RSPRY1: variants seen among roughly 807,000 people sequenced by gnomAD.
RSPRY1 encodes the protein RING finger and SPRY domain-containing protein 1.
In RSPRY1, 23 loss-of-function variants were observed where a neutral mutation model predicts 73.1. The observed-to-expected ratio is 0.31, with a 90% CI of 0.23 to 0.45. The LOEUF (loss-of-function observed/expected upper bound fraction) is 0.45. Among genes scored for constraint, RSPRY1 ranks in the 20% least tolerant of loss-of-function variants. The pLI, the probability that RSPRY1 is intolerant of heterozygous loss-of-function variation, is 1.00. For synonymous variants in RSPRY1, 226 were observed against 251.4 expected, an observed-to-expected ratio of 0.90 and a Z score of 0.95; for missense variants, 448 against 698.7, an observed-to-expected ratio of 0.64 and a Z score of 4.05.
intron 1 of RSPRY1, among the ~76,000 whole-genome samples, chr16:57,199,616 C>A (rs2074522854): frequency 6.6e-6 from 1 of 152,194 alleles, no homozygotes; most frequent in South Asian, 2.1e-4. Context: ...GAGGAACTTT[C>A]ACATTCCATA....
Position 57,221,346 on chromosome 16 carries a change from A to G in RSPRY1, c.1092A>G (p.Glu364=), listed in dbSNP as rs748149573. The part of the protein sequence containing the change: ...FCVDAGVWYY[E]VTVVTSGVMQ... ...TGGATGCCGGGGTATGGTACTATGA[A>G]GTAACAGTGGTCACTTCTGGCGTCA... Residue 364 remains glutamate (E), a synonymous_variant, in exon 10 of 15, where the codon GAA becomes GAG. Coordinates refer to ENST00000394420, the MANE Select transcript of RSPRY1 (RefSeq NM_133368.3). The G allele has an allele frequency of 1.1e-5, 18 of 1,613,980 alleles. No individual in the cohort carries two copies. Among genetic ancestry groups the G allele is most frequent in the Non-Finnish European group, 1.4e-5 (17 of 1,180,024 alleles).
intron 1 of RSPRY1, among the ~76,000 whole-genome samples, chr16:57,192,163 T>TTAGACATCATTTAAAG (rs2074362132): frequency 6.6e-6 from 1 of 152,240 alleles, no homozygotes; most frequent in African/African-American, 2.4e-5. Context: ...TATGAGTGTT[T>TTAGACATCATTTAAAG]TAGACATCAT....
At chr16:57,206,428 A>T (rs940533116) in intron 2 of RSPRY1, among the ~76,000 whole-genome samples, 24 of 152,310 alleles carry the variant, frequency 1.6e-4, no homozygotes, top group African/African-American at 5.8e-4. Context: ...ATCAAAAAAA[A>T]TTTTTTAAAT....
rs1270345636 is a variant in RSPRY1, at chr16:57,238,962, C to A, written c.1718C>A (p.Ser573Tyr). 1.3e-6 allele frequency: 2 copies of A among 1,594,572 alleles called. No individual in the cohort carries two copies. The highest frequency in any genetic ancestry group is 8.6e-7 in the Non-Finnish European group (1 of 1,165,616). ...ATAGTATCTAGAATCAGACAGATTTCTCATATTTCATGACACATGTGAAGA... is the reference window on the plus strand; with the variant it reads ...ATAGTATCTAGAATCAGACAGATTTATCATATTTCATGACACATGTGAAGA... ...KEIVSRIRQI[S>Y]HIS The change falls in exon 15 of 15, where the codon TCT becomes TAT. Residue 573 changes from serine to tyrosine, a missense_variant. Physicochemically the swap from Ser to Tyr is moderately radical, Grantham distance 144. Transcript: ENST00000394420.
intron 3 of RSPRY1, among the ~76,000 whole-genome samples, chr16:57,208,390 A>ATTT (rs1265164232): frequency 1.1e-5 from 1 of 88,760 alleles, no homozygotes; most frequent in African/African-American, 5.4e-5. Context: ...ATATATATAT[A>ATTT]TATATATATA....
intron 14 of RSPRY1, among the ~76,000 whole-genome samples, chr16:57,236,238 A>G (rs1486216390): frequency 6.6e-6 from 1 of 152,160 alleles, no homozygotes; most frequent in Non-Finnish European, 1.5e-5. Flanking sequence ...AAACAGCTGG[A>G]TCTGGTCTTA....
chr16:57,226,322 A>G (rs548557245), intron 10 of RSPRY1, among the ~76,000 whole-genome samples: 2 of 152,366 alleles, frequency 1.3e-5, no homozygotes, highest in South Asian at 4.1e-4. Context: ...CGCGCAAGAA[A>G]GAATTTGGGG....
In RSPRY1 at chr16:57,213,985, A is replaced by G. The variant is rs772241594; in HGVS notation, c.702+39A>G. 6 of 1,361,430 alleles carry G rather than the reference A, an allele frequency of 4.4e-6. No homozygotes were observed. The African/African-American group carries it at 7.1e-5, about 16-fold the overall frequency. 84.3% of individuals were successfully genotyped at this position (1,361,430 alleles called of 1,614,324 possible). ...CAAAACTATTTATTCTTAGTCATCT[A>G]GAAGTGGGCATCATCTAGAACTGTG... On this transcript the variant is annotated intron_variant, in intron 6 of 14. Coordinates refer to ENST00000394420, the MANE Select transcript of RSPRY1 (RefSeq NM_133368.3).
chr16:57,217,531 T>C (rs2074961265), intron 8 of RSPRY1, among the ~76,000 whole-genome samples: 1 of 152,206 alleles, frequency 6.6e-6, no homozygotes, highest in South Asian at 2.1e-4. Flanking sequence ...AAAACTACTA[T>C]AGGTTGAGTT....
At chr16:57,216,849 A>G in intron 7 of RSPRY1, 55 bp from the exon 8 acceptor site, 2 of 1,554,476 alleles carry the variant, frequency 1.3e-6, no homozygotes. Context: ...TAATTTGCTG[A>G]GCAAATCATT....
chr16:57,193,790 G>T (rs1025241137), intron 1 of RSPRY1, among the ~76,000 whole-genome samples: 1 of 152,034 alleles, frequency 6.6e-6, no homozygotes, highest in African/African-American at 2.4e-5. Context: ...TTTCAGCCGG[G>T]TGCGGTGGCT....
intron 10 of RSPRY1, among the ~76,000 whole-genome samples, chr16:57,222,681 A>G (rs1336329161): frequency 1.3e-5 from 2 of 152,230 alleles, no homozygotes; most frequent in Non-Finnish European, 2.9e-5. Flanking sequence ...TTCCTATTCT[A>G]CAACAGTTGT....
chr16:57,226,322 A>T (rs548557245), intron 10 of RSPRY1, among the ~76,000 whole-genome samples: 1 of 152,248 alleles, frequency 6.6e-6, no homozygotes, highest in Non-Finnish European at 1.5e-5. Context: ...CGCGCAAGAA[A>T]GAATTTGGGG....
intron 1 of RSPRY1, among the ~76,000 whole-genome samples, chr16:57,196,027 A>AT (rs2074437935): frequency 1.3e-5 from 1 of 75,240 alleles, no homozygotes; most frequent in Non-Finnish European, 3.2e-5. Flanking sequence ...TCTCAAAAAA[A>AT]AAAAAAAATA....
chr16:57,232,733 C>T (rs2075244053), intron 13 of RSPRY1, among the ~76,000 whole-genome samples: 1 of 152,212 alleles, frequency 6.6e-6, no homozygotes, highest in African/African-American at 2.4e-5. Flanking sequence ...TGGGCATCAA[C>T]TATCAGAAAG....
intron 1 of RSPRY1, chr16:57,186,721 G>T (rs775852702): frequency 6.6e-6 from 1 of 151,962 alleles, no homozygotes; most frequent in Non-Finnish European, 1.5e-5. Flanking sequence ...CTCTTTCGGG[G>T]GTCCTCACCA....
intron 8 of RSPRY1, 121 bp downstream of exon 8, chr16:57,217,156 G>A (rs1319867462): frequency 1.9e-6 from 2 of 1,057,788 alleles, no homozygotes; most frequent in Admixed American, 4.1e-5. Context: ...ACCTCTACTG[G>A]CAGGTTGGAT....
intron 11 of RSPRY1, among the ~76,000 whole-genome samples, chr16:57,229,736 C>T (rs1341962050): frequency 9.9e-6 from 1 of 101,222 alleles, no homozygotes; most frequent in Non-Finnish European, 1.8e-5. Context: ...GATGCAGTCT[C>T]ACTCTGTCAC....
chr16:57,230,469 A>G (rs2075198239), intron 11 of RSPRY1, among the ~76,000 whole-genome samples: 1 of 152,218 alleles, frequency 6.6e-6, no homozygotes. Context: ...CATCTTTGAA[A>G]TTGGGATGCA....
Sources: gnomAD v4.1 joint callset for allele counts (sites outside exome capture counted in the v4.1 genomes callset) on GRCh38, gnomAD v4.1.1 for gene constraint, MANE v1.5 for transcripts, NCBI Gene and HGNC (gene_info 2026-07-23, HGNC 2026-07-21) for gene names.